Variants in LRRC75A observed in about 807,000 individuals in gnomAD.
LRRC75A encodes the protein leucine rich repeat containing 75A, also known as leucine-rich repeat-containing protein 75A.
LRRC75A carries 12 observed loss-of-function variants against 26.0 expected under a neutral mutation model. The observed-to-expected ratio is 0.46, with a 90% CI of 0.30 to 0.75. The LOEUF is 0.75. Ranked by LOEUF, LRRC75A falls within the 30% of genes least tolerant of loss-of-function variation. LRRC75A has a pLI of 0.08. For synonymous variants in LRRC75A, 223 were observed against 219.3 expected (o/e 1.02, Z -0.15); for missense variants, 410 against 486.6 (o/e 0.84, Z 1.48).
intron 1 of LRRC75A, among the ~76,000 whole-genome samples, chr17:16,476,620 A>G (rs897377268): frequency 6.6e-6 from 1 of 151,508 alleles, no homozygotes; most frequent in Middle Eastern, 3.4e-3. Flanking sequence ...GCTGGAGTGC[A>G]GTGGCGTGAC....
intron 3 of LRRC75A, 119 bp downstream of exon 3, chr17:16,447,726 A>G: frequency 1.4e-6 from 1 of 698,138 alleles, no homozygotes; most frequent in Non-Finnish European, 2.3e-6. Flanking sequence ...TACCTCCTTC[A>G]GGCAGCTTCT....
intron 2 of LRRC75A, chr17:16,448,431 A>G (rs35774281): frequency 0.21 from 36,915 of 174,286 alleles, 4,519 homozygotes; most frequent in Middle Eastern, 0.31. Flanking sequence ...AAAGGGGAAA[A>G]TGAGATATTT....
intron 1 of LRRC75A, among the ~76,000 whole-genome samples, chr17:16,489,461 C>G (rs2093853073): frequency 6.6e-6 from 1 of 152,202 alleles, no homozygotes; most frequent in African/African-American, 2.4e-5. Flanking sequence ...TGTGTGTTCT[C>G]AAGGCTCTCA....
At chr17:16,467,892 C>A (rs2143278022) in intron 1 of LRRC75A, among the ~76,000 whole-genome samples, 1 of 152,144 alleles carries the variant, frequency 6.6e-6, no homozygotes, top group East Asian at 1.9e-4. Context: ...TTGACATCGC[C>A]CAAACTCCTA....
intron 1 of LRRC75A, among the ~76,000 whole-genome samples, chr17:16,480,640 AAAC>A (rs1224748079): frequency 3.0e-4 from 45 of 150,514 alleles, no homozygotes; most frequent in African/African-American, 7.7e-4. Context: ...AAAAAAAAAA[AAAC>A]AAAAAAAAAA....
intron 1 of LRRC75A, among the ~76,000 whole-genome samples, chr17:16,482,178 G>A (rs1216661578): frequency 3.3e-5 from 5 of 152,180 alleles, no homozygotes; most frequent in African/African-American, 1.2e-4. Flanking sequence ...TGCATAGACA[G>A]AAACTAAGGG....
chr17:16,448,068 T>A, intron 2 of LRRC75A, 108 bp from the exon 3 acceptor site: 1 of 1,003,702 alleles, frequency 1.0e-6, no homozygotes, highest in Non-Finnish European at 1.5e-6. Flanking sequence ...CAGGCTGAGC[T>A]GGGGGAGGCC....
chr17:16,477,389 C>T (rs777850915), intron 1 of LRRC75A, among the ~76,000 whole-genome samples: 2 of 152,268 alleles, frequency 1.3e-5, no homozygotes, highest in Non-Finnish European at 2.9e-5. Context: ...AGACCTCTTG[C>T]TGCCCTCCCT....
chr17:16,453,039 C>T (rs2093645622), intron 2 of LRRC75A, among the ~76,000 whole-genome samples: 1 of 152,062 alleles, frequency 6.6e-6, no homozygotes, highest in South Asian at 2.1e-4. Context: ...GCCTGTAATC[C>T]CAGCACTTTG....
intron 2 of LRRC75A, among the ~76,000 whole-genome samples, chr17:16,456,757 C>T (rs747921191): frequency 6.6e-6 from 1 of 152,206 alleles, no homozygotes; most frequent in African/African-American, 2.4e-5. Context: ...CAAGACACCT[C>T]GATATCTGTA....
At chr17:16,456,276 G>A (rs1185388163) in intron 2 of LRRC75A, among the ~76,000 whole-genome samples, 3 of 126,302 alleles carry the variant, frequency 2.4e-5, no homozygotes, top group Admixed American at 1.5e-4. Context: ...AGGAGGAGGA[G>A]GAAGAGGAGG....
chr17:16,464,247 C>T (rs2093750828), intron 1 of LRRC75A, among the ~76,000 whole-genome samples: 1 of 150,086 alleles, frequency 6.7e-6, no homozygotes, highest in Non-Finnish European at 1.5e-5. Flanking sequence ...GAACCAGGAC[C>T]TGGGGGCTCA....
At chr17:16,450,905 G>A (rs1456045947) in intron 2 of LRRC75A, among the ~76,000 whole-genome samples, 1 of 152,170 alleles carries the variant, frequency 6.6e-6, no homozygotes, top group African/African-American at 2.4e-5. Flanking sequence ...CTAGGCTTTG[G>A]GCTTGGGACA....
intron 1 of LRRC75A, among the ~76,000 whole-genome samples, chr17:16,488,590 G>A (rs891136442): frequency 6.6e-6 from 1 of 152,236 alleles, no homozygotes; most frequent in Admixed American, 6.5e-5. Context: ...ACAACTCAGA[G>A]AGGTTATCTG....
intron 1 of LRRC75A, among the ~76,000 whole-genome samples, chr17:16,472,415 C>G (rs78453081): frequency 0.012 from 1,857 of 152,246 alleles, 40 homozygotes; most frequent in East Asian, 0.1. Flanking sequence ...GTTTGAAGAC[C>G]GGGACTGAGA....
chr17:16,489,539 A>T (rs1290827960), intron 1 of LRRC75A, among the ~76,000 whole-genome samples: 1 of 152,236 alleles, frequency 6.6e-6, no homozygotes, highest in Non-Finnish European at 1.5e-5. Context: ...AATGGAAAGG[A>T]AAATGCAATT....
chr17:16,466,987 C>G (rs2093774665), intron 1 of LRRC75A, among the ~76,000 whole-genome samples: 1 of 151,862 alleles, frequency 6.6e-6, no homozygotes, highest in Non-Finnish European at 1.5e-5. Flanking sequence ...TTAAAACAAC[C>G]TGTCGCAAGA....
intron 1 of LRRC75A, among the ~76,000 whole-genome samples, chr17:16,479,456 T>C (rs1425718700): frequency 1.3e-5 from 2 of 152,242 alleles, no homozygotes; most frequent in Non-Finnish European, 2.9e-5. Flanking sequence ...GTGCAGGGCA[T>C]GTACTGCACA....
intron 1 of LRRC75A, among the ~76,000 whole-genome samples, chr17:16,476,942 G>A (rs371803367): frequency 2.0e-5 from 3 of 151,616 alleles, no homozygotes; most frequent in Admixed American, 2.0e-4. Flanking sequence ...GTTTCACCGT[G>A]TTAGCCAGGA....
Sources: gnomAD v4.1 joint callset for allele counts (sites outside exome capture counted in the v4.1 genomes callset) on GRCh38, gnomAD v4.1.1 for gene constraint, MANE v1.5 for transcripts, NCBI Gene and HGNC (gene_info 2026-07-23, HGNC 2026-07-21) for gene names.